PINX1: variants seen among roughly 807,000 people sequenced by gnomAD.
The protein encoded by PINX1 is PIN2 (TERF1) interacting telomerase inhibitor 1.
A neutral mutation model predicts 25.4 loss-of-function variants in PINX1; 34 were observed. That is an observed-to-expected ratio of 1.34 (90% CI 1.02 to 1.78). PINX1 has a LOEUF of 1.78. Among genes scored for constraint, PINX1 ranks in the 40% most tolerant of loss-of-function variants. The pLI is 0.00. For missense variants in PINX1, 592 were observed against 404.9 expected, an observed-to-expected ratio of 1.46 and a Z score of -3.97; for synonymous variants, 197 against 147.7, an observed-to-expected ratio of 1.33 and a Z score of -2.42.
At chr8:10,790,163 G>C (rs978299560) in intron 6 of PINX1, among the ~76,000 whole-genome samples, 1 of 152,004 alleles carries the variant, frequency 6.6e-6, no homozygotes, top group Non-Finnish European at 1.5e-5. Flanking sequence ...TTCTCTCAAG[G>C]TTCCTCCCCA....
Position 10,835,603 on chromosome 8 carries a change from T to A in PINX1, c.20-828A>T, listed in dbSNP as rs4840519. On this transcript the variant is annotated intron_variant, in intron 1 of 6. Transcript: ENST00000314787. ...TTCTTAACATCCACTGTATTAGGGCTATTTATATCCGCCTTTCCGGTTTCC... is the reference window on the plus strand; with the variant it reads ...TTCTTAACATCCACTGTATTAGGGCAATTTATATCCGCCTTTCCGGTTTCC... Among the ~76,000 whole-genome samples the A allele has an allele frequency of 2.6e-5, 4 of 152,064 alleles. No homozygotes were observed. In the South Asian group the frequency reaches 8.3e-4, roughly 32 times the overall value.
intron 3 of PINX1, 42 bp from the exon 4 acceptor site, chr8:10,831,785 T>A: frequency 9.1e-7 from 1 of 1,101,668 alleles, no homozygotes; most frequent in Non-Finnish European, 1.4e-6. Context: ...AGCCTGTAGT[T>A]TACTTACACT....
At chr8:10,802,005 G>A (rs1364209989) in intron 6 of PINX1, among the ~76,000 whole-genome samples, 3 of 152,144 alleles carry the variant, frequency 2.0e-5, no homozygotes, top group Admixed American at 6.5e-5. Flanking sequence ...AAGATGCAAT[G>A]CATGCCGTAC....
At chr8:10,807,342 A>C (rs1411134911) in intron 6 of PINX1, among the ~76,000 whole-genome samples, 2 of 51,670 alleles carry the variant, frequency 3.9e-5, no homozygotes, top group Admixed American at 6.0e-4. Context: ...CCCCCCCACC[A>C]AAGTAGAACA....
chr8:10,819,472 C>G (rs1797800060), intron 6 of PINX1, among the ~76,000 whole-genome samples: 1 of 152,198 alleles, frequency 6.6e-6, no homozygotes, highest in African/African-American at 2.4e-5. Flanking sequence ...AATGCCAGTT[C>G]TAAATACTTT....
chr8:10,802,008 T>C (rs1802279269), intron 6 of PINX1, among the ~76,000 whole-genome samples: 1 of 152,014 alleles, frequency 6.6e-6, no homozygotes, highest in Non-Finnish European at 1.5e-5. Context: ...ATGCAATGCA[T>C]GCCGTACAAG....
chr8:10,835,562 A>G (rs1798379941), intron 1 of PINX1, among the ~76,000 whole-genome samples: 1 of 152,198 alleles, frequency 6.6e-6, no homozygotes, highest in African/African-American at 2.4e-5. Flanking sequence ...TTGAACTTCT[A>G]GAATAACTTA....
At chr8:10,810,395 G>C (rs116402463) in intron 6 of PINX1, among the ~76,000 whole-genome samples, 1,884 of 152,280 alleles carry the variant, frequency 0.012, 34 homozygotes, top group African/African-American at 0.043. Context: ...TGTCCAGCCA[G>C]AGAACTCCTA....
At position 10,839,862 on chromosome 8, in the gene PINX1, G is replaced by A. The variant is rs1409683880; in HGVS notation, c.-106C>T. The A allele has an allele frequency of 1.1e-5, 12 of 1,081,258 alleles. No individual in the cohort carries two copies. Among genetic ancestry groups the A allele is most frequent in the African/African-American group, 1.6e-5 (1 of 61,808 alleles). 67.0% of individuals were successfully genotyped at this position (1,081,258 alleles called of 1,614,324 possible). On this transcript the variant is annotated 5_prime_UTR_variant, in exon 1 of 7. Coordinates refer to ENST00000314787, the MANE Select transcript of PINX1 (RefSeq NM_017884.6). ...GGACGTGCGTAACTCCCTCGCCGGC[G>A]GACTGCAGCGGACGGGGCGCGTGCT...
intron 4 of PINX1, among the ~76,000 whole-genome samples, chr8:10,829,755 G>A (rs1479156640): frequency 1.3e-5 from 2 of 151,448 alleles, no homozygotes; most frequent in African/African-American, 4.9e-5. Context: ...GCGTGATCTC[G>A]CCTCACCACA....
chr8:10,815,219 G>C (rs1055737463), intron 6 of PINX1, among the ~76,000 whole-genome samples: 2 of 152,298 alleles, frequency 1.3e-5, no homozygotes, highest in East Asian at 1.9e-4. Context: ...TGGGATTATA[G>C]GCACGAGCCA....
At chr8:10,816,189 C>T (rs1459788485) in intron 6 of PINX1, among the ~76,000 whole-genome samples, 1 of 152,162 alleles carries the variant, frequency 6.6e-6, no homozygotes, top group Non-Finnish European at 1.5e-5. Context: ...TAAAGGGGCA[C>T]AGAGCTGTAT....
intron 5 of PINX1, among the ~76,000 whole-genome samples, chr8:10,824,763 C>T (rs1432934582): frequency 6.6e-6 from 1 of 152,218 alleles, no homozygotes; most frequent in South Asian, 2.1e-4. Context: ...GCCACATCAT[C>T]CGAAAGTTAC....
At chr8:10,799,496 T>G (rs564367280) in intron 6 of PINX1, among the ~76,000 whole-genome samples, 6 of 152,328 alleles carry the variant, frequency 3.9e-5, no homozygotes, top group African/African-American at 1.4e-4. Context: ...CCACCAAAGA[T>G]TCCAGTTCAT....
chr8:10,800,395 C>A (rs1802229050), intron 6 of PINX1, among the ~76,000 whole-genome samples: 1 of 151,884 alleles, frequency 6.6e-6, no homozygotes, highest in Admixed American at 6.6e-5. Flanking sequence ...TTATAAGTAA[C>A]TTGGGTTCTT....
chr8:10,822,416 T>C (rs931326088), intron 5 of PINX1, among the ~76,000 whole-genome samples: 1 of 152,216 alleles, frequency 6.6e-6, no homozygotes, highest in Non-Finnish European at 1.5e-5. Flanking sequence ...ATAGGAAACA[T>C]CTATCTGGAT....
intron 6 of PINX1, 49 bp downstream of exon 6, chr8:10,820,144 A>C: frequency 8.4e-7 from 1 of 1,195,366 alleles, no homozygotes. Context: ...CACAGGTGAA[A>C]ATCAGACAGT....
At chr8:10,816,744 T>C (rs999557579) in intron 6 of PINX1, among the ~76,000 whole-genome samples, 3 of 152,248 alleles carry the variant, frequency 2.0e-5, no homozygotes, top group Non-Finnish European at 2.9e-5. Flanking sequence ...CCCTTCAATG[T>C]AGATTTTTTG....
At chr8:10,826,400 G>C (rs1001296757) in intron 4 of PINX1, among the ~76,000 whole-genome samples, 156 bp from the exon 5 acceptor site, 2 of 152,158 alleles carry the variant, frequency 1.3e-5, no homozygotes, top group Non-Finnish European at 2.9e-5. Flanking sequence ...CCTTCTGCTG[G>C]ATCTCTGTTT....
Sources: gnomAD v4.1 joint callset for allele counts (sites outside exome capture counted in the v4.1 genomes callset) on GRCh38, gnomAD v4.1.1 for gene constraint, MANE v1.5 for transcripts, NCBI Gene and HGNC (gene_info 2026-07-23, HGNC 2026-07-21) for gene names.